Variants in TRPM3 observed in about 807,000 individuals in gnomAD.
The protein encoded by TRPM3 is transient receptor potential cation channel subfamily M member 3.
TRPM3 carries 77 observed loss-of-function variants against 181.2 expected under a neutral mutation model. The ratio of observed to expected loss-of-function variants is 0.42; its 90% CI spans 0.35 to 0.51. The LOEUF is 0.51. TRPM3 is among the 20% of genes least tolerant of loss of function. The pLI, the probability that TRPM3 is intolerant of heterozygous loss-of-function variation, is 0.01. For synonymous variants in TRPM3, 745 were observed against 796.4 expected (o/e 0.94, Z 1.09); for missense variants, 1,759 against 2,196.7 (o/e 0.80, Z 3.98).
chr9:70,798,055 T>C (rs1020344575), intron 6 of TRPM3, among the ~76,000 whole-genome samples: 1 of 152,146 alleles, frequency 6.6e-6, no homozygotes, highest in African/African-American at 2.4e-5. Context: ...GTACTATTTC[T>C]TTCTTTCTTT....
chr9:70,698,536 C>T (rs1322976985), intron 8 of TRPM3, among the ~76,000 whole-genome samples: 1 of 152,126 alleles, frequency 6.6e-6, no homozygotes, highest in Non-Finnish European at 1.5e-5. Flanking sequence ...CTGAATTATA[C>T]AGTAAAAGCG....
chr9:71,091,810 G>C lies in TRPM3; in HGVS notation c.177+29368C>G, dbSNP rs570979660. On this transcript the variant is annotated intron_variant, in intron 1 of 25. Transcript: ENST00000677713. Reference sequence around the variant, plus strand: ...TAAACCCTAGAAAAGATCGGTTTTCGAGCATCATCTAGTATTTGAAAGCCC... The same window carrying C: ...TAAACCCTAGAAAAGATCGGTTTTCCAGCATCATCTAGTATTTGAAAGCCC... Among the ~76,000 whole-genome samples, 75 of 152,032 alleles carry C rather than the reference G, an allele frequency of 4.9e-4. 1 individual carries two copies. The highest frequency in any genetic ancestry group is 1.4e-3 in the African/African-American group (58 of 41,454).
intron 1 of TRPM3, among the ~76,000 whole-genome samples, chr9:70,984,454 A>T (rs2097398920): frequency 6.6e-6 from 1 of 152,244 alleles, no homozygotes; most frequent in African/African-American, 2.4e-5. Context: ...CATCTTCCAA[A>T]CACTTTCTCT....
At chr9:71,287,926 T>C (rs1423197003) in intron 1 of TRPM3, among the ~76,000 whole-genome samples, 1 of 152,080 alleles carries the variant, frequency 6.6e-6, no homozygotes, top group Non-Finnish European at 1.5e-5. Context: ...TTTGCTCAGA[T>C]ATTTACAGGT....
intron 1 of TRPM3, among the ~76,000 whole-genome samples, chr9:71,443,927 TC>T (rs1186685075): frequency 1.3e-5 from 2 of 152,154 alleles, no homozygotes; most frequent in East Asian, 3.8e-4. Context: ...ATACCTGTAA[TC>T]CCAGCACTTC....
chr9:70,562,623 G>A (rs1179094835), intron 22 of TRPM3, among the ~76,000 whole-genome samples: 1 of 147,494 alleles, frequency 6.8e-6, no homozygotes, highest in Non-Finnish European at 1.5e-5. Context: ...TTGGGCAGGG[G>A]GGAGGTATGG....
intron 8 of TRPM3, among the ~76,000 whole-genome samples, chr9:70,750,435 A>G (rs2075935610): frequency 6.6e-6 from 1 of 152,172 alleles, no homozygotes; most frequent in African/African-American, 2.4e-5. Context: ...ATCTGAGCAA[A>G]TAAGTTAACA....
intron 11 of TRPM3, among the ~76,000 whole-genome samples, chr9:70,635,483 T>TTG (rs1016425973): frequency 6.7e-5 from 10 of 148,654 alleles, no homozygotes; most frequent in Non-Finnish European, 1.2e-4. Flanking sequence ...TTTTTTTTTT[T>TTG]GATACAGGGT....
At chr9:70,761,271 G>A (rs954838611) in intron 8 of TRPM3, 9 of 596,420 alleles carry the variant, frequency 1.5e-5, no homozygotes, top group East Asian at 2.8e-5. Flanking sequence ...AATGAAATCC[G>A]AAACCTAAGA....
intron 5 of TRPM3, among the ~76,000 whole-genome samples, chr9:70,837,168 C>T (rs1302360744): frequency 6.6e-6 from 1 of 152,140 alleles, no homozygotes; most frequent in Non-Finnish European, 1.5e-5. Flanking sequence ...AGGGCCACTC[C>T]TGGAAAGTTT....
chr9:71,027,145 C>T (rs2056654848), intron 1 of TRPM3, among the ~76,000 whole-genome samples: 1 of 152,186 alleles, frequency 6.6e-6, no homozygotes, highest in African/African-American at 2.4e-5. Context: ...AGCTAGATAA[C>T]AAAGCCAGGG....
At chr9:71,165,082 A>G (rs2134739135) in intron 1 of TRPM3, among the ~76,000 whole-genome samples, 1 of 152,272 alleles carries the variant, frequency 6.6e-6, no homozygotes, top group African/African-American at 2.4e-5. Context: ...TATGTTTATG[A>G]TAAGGACAAT....
chr9:71,340,668 T>G (rs2090900850), intron 1 of TRPM3, among the ~76,000 whole-genome samples: 1 of 152,120 alleles, frequency 6.6e-6, no homozygotes, highest in Non-Finnish European at 1.5e-5. Context: ...GGGTATGTCT[T>G]TATCAGCAGT....
chr9:70,763,554 C>T (rs2078551605), intron 7 of TRPM3, among the ~76,000 whole-genome samples: 1 of 152,008 alleles, frequency 6.6e-6, no homozygotes, highest in Admixed American at 6.6e-5. Context: ...AATGCCAAAT[C>T]CTCTCTTAAG....
At position 70,586,819 on chromosome 9, in the gene TRPM3, C is replaced by T. The variant is rs147541137; in HGVS notation, c.3223+4212G>A. On this transcript the variant is annotated intron_variant, in intron 22 of 25. Transcript: ENST00000677713. ...TGCTCTAAACTTCACCATAAGCAGGCGTATTTTAGAGACTGGCTCCTTGAG... is the reference window on the plus strand; with the variant it reads ...TGCTCTAAACTTCACCATAAGCAGGTGTATTTTAGAGACTGGCTCCTTGAG... 2.3e-4 allele frequency among the ~76,000 whole-genome samples: 35 copies of T among 152,166 alleles called. No homozygotes were observed. In the East Asian group the frequency reaches 5.4e-3, roughly 24 times the overall value.
chr9:70,548,847 G>GCTCTCTCTCT (rs56761379), intron 25 of TRPM3, among the ~76,000 whole-genome samples: 12,655 of 150,070 alleles, frequency 0.084, 577 homozygotes, highest in Middle Eastern at 0.14. Flanking sequence ...AAGATCTTGT[G>GCTCTCTCTCT]CTCTCTCTCT....
intron 1 of TRPM3, among the ~76,000 whole-genome samples, chr9:71,150,806 A>C (rs1437298176): frequency 6.6e-6 from 1 of 152,170 alleles, no homozygotes; most frequent in African/African-American, 2.4e-5. Flanking sequence ...AATTCTTAGG[A>C]AAGAATTTAA....
At chr9:71,387,250 A>C (rs2092947330) in intron 1 of TRPM3, among the ~76,000 whole-genome samples, 1 of 152,208 alleles carries the variant, frequency 6.6e-6, no homozygotes, top group Non-Finnish European at 1.5e-5. Context: ...ACTGCATTGA[A>C]GACCAAAGAA....
intron 1 of TRPM3, among the ~76,000 whole-genome samples, chr9:71,329,256 A>G (rs2089946101): frequency 6.6e-6 from 1 of 152,138 alleles, no homozygotes; most frequent in African/African-American, 2.4e-5. Context: ...ATGTGTGTTT[A>G]TTTTGTCTCT....
Sources: gnomAD v4.1 joint callset for allele counts (sites outside exome capture counted in the v4.1 genomes callset) on GRCh38, gnomAD v4.1.1 for gene constraint, MANE v1.5 for transcripts, NCBI Gene and HGNC (gene_info 2026-07-23, HGNC 2026-07-21) for gene names.